The following RBM26 variants were observed in gnomAD, a reference collection of about 807,000 sequenced individuals.
RBM26 encodes the protein RNA-binding protein 26.
A neutral mutation model predicts 123.6 loss-of-function variants in RBM26; 30 were observed. The observed-to-expected ratio is 0.24, with a 90% CI of 0.18 to 0.33. The LOEUF (loss-of-function observed/expected upper bound fraction) is 0.33. RBM26 is among the 10% of genes least tolerant of loss of function. The pLI is 1.00. For synonymous variants in RBM26, 400 were observed against 404.4 expected (o/e 0.99, Z 0.13); for missense variants, 947 against 1,203.6 (o/e 0.79, Z 3.15).
rs1346701287 is a variant in RBM26 at position 79,354,494 on chromosome 13, G to A, written c.1931C>T (p.Pro644Leu). 1.2e-6 allele frequency: 2 copies of A among 1,607,778 alleles called. No homozygotes were observed. The highest frequency in any genetic ancestry group is 2.7e-5 in the African/African-American group (2 of 74,828). The change falls in exon 13 of 22, where the codon CCT (proline) becomes CTT (leucine). Residue 644 changes from proline (P) to leucine (L), a missense_variant. Around this residue, in one of 5 missense-constraint regions of RBM26, gnomAD observed 493 missense variants for 563.1 expected, o/e 0.88. Transcript: ENST00000438737. Reference protein sequence around the residue: ...QSVKERLGPVPSSTIEPAEAQ... With the variant: ...QSVKERLGPVLSSTIEPAEAQ... Reference sequence around the variant, plus strand: ...TTCTGCAGGTTCAATAGTACTTGAAGGTACTGGACCCAGCCGCTCTTTGAC... The same window carrying A: ...TTCTGCAGGTTCAATAGTACTTGAAAGTACTGGACCCAGCCGCTCTTTGAC...
rs2075207471 is a variant in RBM26, at chr13:79,365,834, T to C, written c.1277-116A>G. ...ACATATTAACATATAACATGCTCTA[T>C]ATGTATCAAAAAGAAAATAACTTTA... On this transcript the variant is annotated intron_variant, in intron 8 of 21. Transcript: ENST00000438737. 8 of 982,672 alleles carry C rather than the reference T, an allele frequency of 8.1e-6. No homozygotes were observed. The South Asian group carries it at 1.3e-4, about 16-fold the overall frequency. The allele number at this position is 982,672 out of a possible 1,614,324, so 60.9% of individuals were successfully genotyped here. A position where few individuals can be genotyped will look rare whatever the true frequency, so the allele number is the denominator to read the frequency against.
At position 79,366,625 on chromosome 13, in the gene RBM26, T is replaced by G; in HGVS notation, c.1135+8A>C. On this transcript the variant is annotated splice_region_variant and intron_variant, in intron 7 of 21. Coordinates refer to ENST00000438737, the MANE Select transcript of RBM26 (RefSeq NM_001366735.2). ...GATAAATACAGGGAAACAAACAGAT[T>G]TACTTACCTGTAACAGGTGGGAGAC... The G allele has an allele frequency of 6.6e-7, 1 of 1,521,108 alleles. No individual in the cohort carries two copies. Among genetic ancestry groups the G allele is most frequent in the South Asian group, 1.3e-5 (1 of 75,692 alleles). The allele number at this position is 1,521,108 out of a possible 1,614,324, so 94.2% of individuals were successfully genotyped here.
intron 19 of RBM26, among the ~76,000 whole-genome samples, chr13:79,336,864 T>C (rs1383683933): frequency 6.6e-6 from 1 of 152,208 alleles, no homozygotes; most frequent in East Asian, 1.9e-4. Flanking sequence ...AAGTTTATAT[T>C]GTTCATTTCA....
intron 20 of RBM26, among the ~76,000 whole-genome samples, chr13:79,326,587 CAAAGAT>C (rs2068448880): frequency 6.6e-6 from 1 of 152,060 alleles, no homozygotes; most frequent in African/African-American, 2.4e-5. Context: ...CTAAAGCCAG[CAAAGAT>C]AAACTTAAAC....
Position 79,377,468 on chromosome 13 carries a change from T to C in RBM26, c.238A>G (p.Ser80Gly). The C allele has an allele frequency of 6.2e-7, 1 of 1,612,920 alleles. No homozygotes were observed. Among genetic ancestry groups the C allele is most frequent in the Non-Finnish European group, 8.5e-7 (1 of 1,178,898 alleles). Residue 80 changes from serine (S) to glycine (G), a missense_variant, in exon 3 of 22, where the codon AGT (serine) becomes GGT (glycine). Ser to Gly is a moderately conservative substitution (Grantham distance 56). This residue lies in a region of RBM26 where 275 missense variants were observed against 361.0 expected (regional missense o/e 0.76). Transcript: ENST00000438737. The stretch of plus-strand genomic sequence containing the variant: ...GGCTGCTCTGGAGGAGGTAGGTAAC[T>C]CTTTGTATTCACAGCATCAAAAAGT... The part of the protein sequence containing the change: ...EKLFDAVNTK[S>G]YLPPPEQPSS...
intron 21 of RBM26, among the ~76,000 whole-genome samples, chr13:79,321,282 T>C (rs1432002664): frequency 6.6e-6 from 1 of 151,402 alleles, no homozygotes; most frequent in Non-Finnish European, 1.5e-5. Flanking sequence ...TTCAAACTCA[T>C]GGAAGGACAA....
At chr13:79,400,509 C>A (rs929711822) in intron 1 of RBM26, among the ~76,000 whole-genome samples, 1 of 152,152 alleles carries the variant, frequency 6.6e-6, no homozygotes, top group Non-Finnish European at 1.5e-5. Flanking sequence ...CCTCTTAATA[C>A]TTAACGAAAT....
In RBM26 at chr13:79,365,582, G is replaced by A. The variant is rs776155154; in HGVS notation, c.1413C>T (p.Pro471=). ...AGGAAAGATTAATTATAGTACCTCT[G>A]GGTGGCAAATCCATATCCCCTGATG... ...GLTSGDMDLP[P]REKPPNKSSM... is the part of the protein sequence containing the mutation. Residue 471 remains proline, a synonymous_variant, in exon 9 of 22, where the codon CCC becomes CCT. Transcript: ENST00000438737. 2.1e-5 allele frequency: 34 copies of A among 1,610,374 alleles called. No homozygotes were observed. The highest frequency in any genetic ancestry group is 4.5e-5 in the East Asian group (2 of 44,860).
At chr13:79,326,236 C>T (rs1393434143) in intron 20 of RBM26, among the ~76,000 whole-genome samples, 33 of 152,102 alleles carry the variant, frequency 2.2e-4, no homozygotes, top group South Asian at 1.0e-3. Flanking sequence ...TTAAACAGTA[C>T]GAATAATTAA....
chr13:79,388,904 C>G (rs1244649570), intron 1 of RBM26, among the ~76,000 whole-genome samples: 1 of 152,122 alleles, frequency 6.6e-6, no homozygotes, highest in African/African-American at 2.4e-5. Flanking sequence ...AAGTTACAGG[C>G]CTCAAAGTAC....
At chr13:79,392,614 G>C (rs1348059688) in intron 1 of RBM26, among the ~76,000 whole-genome samples, 1 of 146,670 alleles carries the variant, frequency 6.8e-6, no homozygotes, top group Admixed American at 6.9e-5. Context: ...AATAAACATA[G>C]GAAAAATTTT....
chr13:79,371,237 T>G, intron 4 of RBM26, 75 bp from the exon 5 acceptor site: 1 of 1,189,380 alleles, frequency 8.4e-7, no homozygotes, highest in South Asian at 1.4e-5. Context: ...AATGCAAAAG[T>G]TACATTTAAT....
At chr13:79,331,149 T>G (rs1014607197) in intron 20 of RBM26, among the ~76,000 whole-genome samples, 14 of 152,094 alleles carry the variant, frequency 9.2e-5, no homozygotes, top group Non-Finnish European at 1.6e-4. Flanking sequence ...CAGCTGGGAC[T>G]GCAGGTGCAC....
Position 79,330,145 on chromosome 13 carries a change from C to T in RBM26, c.2820+4199G>A, listed in dbSNP as rs75872176. Among the ~76,000 whole-genome samples, 970 of 152,224 alleles carry T rather than the reference C, an allele frequency of 6.4e-3. 16 individuals are homozygous for T. The highest frequency in any genetic ancestry group is 0.022 in the African/African-American group (894 of 41,536). ...TAATTTCTATACTATAAAATGTACA[C>T]AAAATTTGAGTTTTAAAGCTGAAAT... On this transcript the variant is annotated intron_variant, in intron 20 of 21. Transcript: ENST00000438737.
At chr13:79,371,563 CA>C (rs540473420) in intron 4 of RBM26, among the ~76,000 whole-genome samples, 25 of 138,958 alleles carry the variant, frequency 1.8e-4, no homozygotes, top group South Asian at 2.3e-4. Context: ...AAACAGCAGG[CA>C]AAAAAAAAAC....
In RBM26 at chr13:79,344,235, T is replaced by C; in HGVS notation, c.2259+13A>G. ...CATTTGCAATTTGGCCAAATCTAAC[T>C]TTAACATTTTACCTTCTGTGTTTCA... is the stretch of plus-strand genomic sequence containing the variant. On this transcript the variant is annotated intron_variant, in intron 16 of 21. Coordinates refer to ENST00000438737, the MANE Select transcript of RBM26 (RefSeq NM_001366735.2). The C allele has an allele frequency of 6.4e-7, 1 of 1,564,574 alleles. No homozygotes were observed. Among genetic ancestry groups the C allele is most frequent in the Non-Finnish European group, 8.8e-7 (1 of 1,135,236 alleles).
chr13:79,314,966 A>G, downstream of RBM26: 2 of 1,301,022 alleles, frequency 1.5e-6, no homozygotes, highest in Middle Eastern at 4.3e-4. Context: ...TCACAAAGCT[A>G]AATTCAGGCA....
intron 1 of RBM26, among the ~76,000 whole-genome samples, chr13:79,379,791 T>G (rs952523365): frequency 6.6e-6 from 1 of 150,464 alleles, no homozygotes; most frequent in Non-Finnish European, 1.5e-5. Flanking sequence ...TAACCCACAG[T>G]GTTTTTACCG....
chr13:79,378,182 G>A lies in RBM26; in HGVS notation c.190+607C>T, dbSNP rs188431468. ...GGTACAAAAAGCTGAAAAGCAATGC[G>A]CTAGGTAAGATTCAAAGCAGTTTCC... On this transcript the variant is annotated intron_variant, in intron 2 of 21. Transcript: ENST00000438737. 2.3e-4 allele frequency among the ~76,000 whole-genome samples: 35 copies of A among 152,270 alleles called. No individual in the cohort carries two copies. The Middle Eastern group carries it at 0.014, about 59-fold the overall frequency.
Sources: gnomAD v4.1 joint callset for allele counts (sites outside exome capture counted in the v4.1 genomes callset) on GRCh38, gnomAD v4.1.1 for gene constraint, gnomAD v4.1.1 regional missense constraint, MANE v1.5 for transcripts, NCBI Gene and HGNC (gene_info 2026-07-23, HGNC 2026-07-21) for gene names.